Variants in PDZD2 observed in about 807,000 individuals in gnomAD.
PDZD2 encodes PDZ domain-containing protein 2.
PDZD2 carries 90 observed loss-of-function variants against 220.7 expected under a neutral mutation model. The observed-to-expected ratio is 0.41, with a 90% CI of 0.34 to 0.49. The LOEUF is 0.49. Ranked by LOEUF, PDZD2 falls within the 20% of genes least tolerant of loss-of-function variation. The pLI is 0.28. For synonymous variants in PDZD2, 1,375 were observed against 1,450.5 expected (o/e 0.95, Z 1.18); for missense variants, 3,174 against 3,608.5 (o/e 0.88, Z 3.08).
At chr5:32,050,864 T>C (rs536917902) in intron 8 of PDZD2, among the ~76,000 whole-genome samples, 1 of 152,324 alleles carries the variant, frequency 6.6e-6, no homozygotes, top group East Asian at 1.9e-4. Context: ...TATCTAGATT[T>C]GACCTCTCCA....
At chr5:32,041,647 G>A (rs1162779028) in intron 7 of PDZD2, among the ~76,000 whole-genome samples, 9 of 152,034 alleles carry the variant, frequency 5.9e-5, no homozygotes. Context: ...AAGGCAGCAT[G>A]CTCGTTAAGA....
chr5:31,738,889 GAT>G (rs1491309635), intron 1 of PDZD2, among the ~76,000 whole-genome samples: 2 of 135,318 alleles, frequency 1.5e-5, no homozygotes, highest in African/African-American at 5.6e-5. Context: ...AATATATATA[GAT>G]TTTTTTTTTT....
intron 6 of PDZD2, among the ~76,000 whole-genome samples, chr5:32,028,231 T>C (rs1164242133): frequency 6.6e-6 from 1 of 152,168 alleles, no homozygotes; most frequent in Non-Finnish European, 1.5e-5. Context: ...ATACTCAGGA[T>C]TGCGACATGC....
chr5:32,089,400 G>A lies in PDZD2; in HGVS notation c.5952G>A (p.Ser1984=), dbSNP rs759172541. The A allele has an allele frequency of 2.1e-5, 34 of 1,613,890 alleles. No homozygotes were observed. The highest frequency in any genetic ancestry group is 1.3e-4 in the African/African-American group (10 of 74,906). ...VSDTSIRTFV[S]PLTSPKPVPE... ...ACACGAGCATCAGGACATTTGTCTC[G>A]CCCCTGACCTCTCCCAAGCCTGTTC... Residue 1984 remains serine, a synonymous_variant, in exon 20 of 25, where the codon TCG becomes TCA. Coordinates refer to ENST00000438447, the MANE Select transcript of PDZD2 (RefSeq NM_178140.4).
intron 1 of PDZD2, among the ~76,000 whole-genome samples, chr5:31,792,521 C>T (rs940133237): frequency 6.6e-6 from 1 of 152,082 alleles, no homozygotes; most frequent in African/African-American, 2.4e-5. Context: ...GGAGTTCAAG[C>T]AATTCTCATG....
chr5:31,987,660 G>A (rs1379960317), intron 3 of PDZD2, among the ~76,000 whole-genome samples: 1 of 152,124 alleles, frequency 6.6e-6, no homozygotes, highest in East Asian at 1.9e-4. Flanking sequence ...TTCACATCAT[G>A]CCTAAAACTC....
intron 1 of PDZD2, among the ~76,000 whole-genome samples, chr5:31,756,905 A>C (rs576662642): frequency 6.6e-6 from 1 of 152,372 alleles, no homozygotes; most frequent in Admixed American, 6.5e-5. Context: ...AATATGAATA[A>C]AGAAACAAAG....
At chr5:32,079,176 T>C (rs1464828355) in intron 19 of PDZD2, among the ~76,000 whole-genome samples, 3 of 150,800 alleles carry the variant, frequency 2.0e-5, no homozygotes, top group Non-Finnish European at 1.5e-5. Flanking sequence ...CGAGAATTGC[T>C]TGAACCCAGG....
chr5:31,858,253 G>A (rs747349638), intron 2 of PDZD2, among the ~76,000 whole-genome samples: 4 of 151,600 alleles, frequency 2.6e-5, no homozygotes, highest in African/African-American at 4.9e-5. Flanking sequence ...ATGAGCCACC[G>A]TGCCCAGCCA....
In PDZD2 at chr5:31,864,839, CTTTTTTTT is replaced by C. The variant is rs70955752; in HGVS notation, c.476+65135_476+65142del. ...GAATTGTATCTTGTATGAGATTTGT[CTTTTTTTT>C]TTTTTTTTTTTTTTTTTTTGAGACG... On this transcript the variant is annotated intron_variant, in intron 2 of 24. Coordinates refer to ENST00000438447, the MANE Select transcript of PDZD2 (RefSeq NM_178140.4). Among the ~76,000 whole-genome samples the C allele has an allele frequency of 9.7e-4, 69 of 70,948 alleles. 1 individual carries two copies. Among genetic ancestry groups the C allele is most frequent in the African/African-American group, 2.4e-3 (41 of 17,124 alleles). 46.5% of individuals were successfully genotyped at this position (70,948 alleles called of 152,430 possible). A position where few individuals can be genotyped will look rare whatever the true frequency, so the allele number is the denominator to read the frequency against.
At position 31,983,604 on chromosome 5, in the gene PDZD2, G is replaced by A. The variant is rs765301321; in HGVS notation, c.926G>A (p.Arg309His). ...CTGACCACAAGCAATGACAAACGCCGCTTCTCAAAAGGTGGGAAGACGGAC... is the reference window on the plus strand; with the variant it reads ...CTGACCACAAGCAATGACAAACGCCACTTCTCAAAAGGTGGGAAGACGGAC... Reference protein sequence around the residue: ...APLTTSNDKRRFSKGGKTDFQ... With the variant: ...APLTTSNDKRHFSKGGKTDFQ... The change falls in exon 3 of 25, where the codon CGC becomes CAC. Residue 309 changes from arginine (R) to histidine (H), a missense_variant. This residue lies in a region of PDZD2 where 632 missense variants were observed against 708.1 expected (regional missense o/e 0.89). Transcript: ENST00000438447. 5.6e-6 allele frequency: 9 copies of A among 1,614,050 alleles called. No individual in the cohort carries two copies. The East Asian group carries it at 6.7e-5, about 12-fold the overall frequency.
At chr5:31,998,835 T>C (rs1374244596) in intron 4 of PDZD2, among the ~76,000 whole-genome samples, 1 of 152,248 alleles carries the variant, frequency 6.6e-6, no homozygotes, top group Non-Finnish European at 1.5e-5. Flanking sequence ...AGGCCACAGG[T>C]TGGCCAAGCT....
At chr5:32,054,349 G>T (rs1288895967) in intron 10 of PDZD2, among the ~76,000 whole-genome samples, 1 of 109,074 alleles carries the variant, frequency 9.2e-6, no homozygotes, top group East Asian at 2.7e-4. Context: ...AATGAGACAG[G>T]GTCTCAATCT....
At chr5:32,080,564 G>A (rs147970792) in intron 19 of PDZD2, among the ~76,000 whole-genome samples, 1 of 151,980 alleles carries the variant, frequency 6.6e-6, no homozygotes, top group South Asian at 2.1e-4. Flanking sequence ...GACAGCAAAG[G>A]GTTGGTTTTT....
intron 1 of PDZD2, among the ~76,000 whole-genome samples, chr5:31,714,840 C>T (rs1033408063): frequency 6.6e-6 from 1 of 151,962 alleles, no homozygotes; most frequent in Admixed American, 6.6e-5. Flanking sequence ...GGGCAGATTA[C>T]GAGGTCAGGA....
Position 32,074,657 on chromosome 5 carries a change from T to C in PDZD2, c.3537+14T>C. On this transcript the variant is annotated intron_variant, in intron 18 of 24. Transcript: ENST00000438447. ...GCTGTGGAGAAGGTAACTGACTTTC[T>C]CTTAGTTACTTGGAATGGAAGTGCA... 1 of 1,553,304 alleles carries C rather than the reference T, an allele frequency of 6.4e-7. No individual in the cohort carries two copies. The highest frequency in any genetic ancestry group is 8.8e-7 in the Non-Finnish European group (1 of 1,141,270).
At chr5:31,661,235 A>C (rs2150111865) in intron 1 of PDZD2, 1 of 152,320 alleles carries the variant, frequency 6.6e-6, no homozygotes, top group Middle Eastern at 3.4e-3. Flanking sequence ...CATGCTGAGG[A>C]GGTCAGTCCT....
At chr5:31,673,568 A>G (rs753185040) in intron 1 of PDZD2, among the ~76,000 whole-genome samples, 1 of 152,140 alleles carries the variant, frequency 6.6e-6, no homozygotes, top group Non-Finnish European at 1.5e-5. Context: ...CCCCAACTTT[A>G]TATGTTGGAA....
chr5:31,788,208 T>TA (rs1242453957), intron 1 of PDZD2, among the ~76,000 whole-genome samples: 11 of 150,460 alleles, frequency 7.3e-5, no homozygotes, highest in African/African-American at 2.7e-4. Context: ...CTCTCTCTAC[T>TA]AAAAATACAA....
Sources: gnomAD v4.1 joint callset for allele counts (sites outside exome capture counted in the v4.1 genomes callset) on GRCh38, gnomAD v4.1.1 for gene constraint, gnomAD v4.1.1 regional missense constraint, MANE v1.5 for transcripts, NCBI Gene and HGNC (gene_info 2026-07-23, HGNC 2026-07-21) for gene names.